The following SPOCK1 variants were observed in gnomAD, a reference collection of about 807,000 sequenced individuals.
The protein encoded by SPOCK1 is testican-1.
A neutral mutation model predicts 55.3 loss-of-function variants in SPOCK1; 23 were observed. The ratio of observed to expected loss-of-function variants is 0.42; its 90% CI spans 0.30 to 0.59. The LOEUF (loss-of-function observed/expected upper bound fraction) is 0.59. Ranked by LOEUF, SPOCK1 falls within the 20% of genes least tolerant of loss-of-function variation. The pLI is 0.22. For synonymous variants in SPOCK1, 226 were observed against 221.0 expected (o/e 1.02, Z -0.20); for missense variants, 499 against 552.5 (o/e 0.90, Z 0.97).
At chr5:137,470,520 G>T (rs995832450) in intron 2 of SPOCK1, among the ~76,000 whole-genome samples, 1 of 152,086 alleles carries the variant, frequency 6.6e-6, no homozygotes, top group South Asian at 2.1e-4. Flanking sequence ...ATCTGGAAAG[G>T]CTTCTGAAGG....
chr5:137,067,887 G>A (rs944895450), intron 5 of SPOCK1, 58 bp from the exon 6 acceptor site: 142 of 1,422,948 alleles, frequency 1.0e-4, no homozygotes, highest in Middle Eastern at 5.3e-4. Flanking sequence ...CCCCTACCCC[G>A]CCTCCTAAGA....
At chr5:137,322,348 A>ACAC (rs55986688) in intron 2 of SPOCK1, among the ~76,000 whole-genome samples, 18,058 of 144,944 alleles carry the variant, frequency 0.12, 1,421 homozygotes, top group East Asian at 0.24. Flanking sequence ...AAAAAAAAAA[A>ACAC]ACACACACAC....
chr5:137,313,010 T>A (rs910034554), intron 2 of SPOCK1, among the ~76,000 whole-genome samples: 2 of 152,072 alleles, frequency 1.3e-5, no homozygotes, highest in Admixed American at 1.3e-4. Context: ...ACCAGGAGTA[T>A]CCTGGGTTGC....
chr5:137,331,488 T>C (rs1169791272), intron 2 of SPOCK1, among the ~76,000 whole-genome samples: 1 of 152,142 alleles, frequency 6.6e-6, no homozygotes, highest in African/African-American at 2.4e-5. Context: ...TGAGGCTGGA[T>C]AATTTATGAA....
intron 3 of SPOCK1, among the ~76,000 whole-genome samples, chr5:137,206,792 G>A (rs1202720633): frequency 6.6e-6 from 1 of 152,198 alleles, no homozygotes; most frequent in Non-Finnish European, 1.5e-5. Flanking sequence ...AACATCTTAT[G>A]CGATGTATTT....
intron 3 of SPOCK1, among the ~76,000 whole-genome samples, chr5:137,224,492 G>A (rs1755912389): frequency 6.6e-6 from 1 of 152,150 alleles, no homozygotes; most frequent in Admixed American, 6.5e-5. Context: ...GAAAGGAAAC[G>A]GGTGTAAAAT....
At position 137,089,921 on chromosome 5, in the gene SPOCK1, C is replaced by A. The variant is rs186104925; in HGVS notation, c.475-22092G>T. Among the ~76,000 whole-genome samples the A allele has an allele frequency of 1.1e-3, 166 of 152,262 alleles. 1 individual carries two copies. The highest frequency in any genetic ancestry group is 6.2e-4 in the South Asian group (3 of 4,824). On this transcript the variant is annotated intron_variant, in intron 5 of 10. Transcript: ENST00000394945. Reference sequence around the variant, plus strand: ...GAAAAGGGCCTCTTCTGAAATACACCAGGAGATGAGCCAGGAAGGCCACAG... The same window carrying A: ...GAAAAGGGCCTCTTCTGAAATACACAAGGAGATGAGCCAGGAAGGCCACAG...
intron 2 of SPOCK1, among the ~76,000 whole-genome samples, chr5:137,383,515 C>A (rs1461031829): frequency 2.0e-5 from 3 of 152,170 alleles, no homozygotes; most frequent in Non-Finnish European, 2.9e-5. Context: ...TGCAGCCAGC[C>A]TGTGTGAAAG....
At chr5:137,084,066 G>T (rs1269609007) in intron 5 of SPOCK1, among the ~76,000 whole-genome samples, 1 of 152,120 alleles carries the variant, frequency 6.6e-6, no homozygotes, top group Non-Finnish European at 1.5e-5. Context: ...ACCAGGATTA[G>T]CCAGGATTAT....
intron 2 of SPOCK1, among the ~76,000 whole-genome samples, chr5:137,315,514 C>A (rs533116786): frequency 6.6e-6 from 1 of 152,322 alleles, no homozygotes; most frequent in South Asian, 2.1e-4. Context: ...AGCACTTTAC[C>A]TTCAATGCCT....
rs568550249 is a variant in SPOCK1 at position 137,149,350 on chromosome 5, T to C, written c.233-8656A>G. On this transcript the variant is annotated intron_variant, in intron 3 of 10. Coordinates refer to ENST00000394945, the MANE Select transcript of SPOCK1 (RefSeq NM_004598.4). ...AGAGAAGTCTTCACCTTCTCATCCA[T>C]CACAATGGCCAGAATTTATTAAAAT... Among the ~76,000 whole-genome samples the C allele has an allele frequency of 1.2e-4, 19 of 152,288 alleles. No individual in the cohort carries two copies. The South Asian group carries it at 3.3e-3, about 27-fold the overall frequency.
chr5:137,252,333 G>C (rs146204212), intron 3 of SPOCK1, among the ~76,000 whole-genome samples: 222 of 152,284 alleles, frequency 1.5e-3, no homozygotes, highest in African/African-American at 4.8e-3. Flanking sequence ...CAAACTCATA[G>C]AGGAGAGCAT....
At chr5:137,322,056 A>T (rs1757990083) in intron 2 of SPOCK1, among the ~76,000 whole-genome samples, 1 of 152,162 alleles carries the variant, frequency 6.6e-6, no homozygotes, top group African/African-American at 2.4e-5. Context: ...GCTAAAAAAC[A>T]CTGGTCAGCA....
At chr5:137,077,052 T>C (rs1048519993) in intron 5 of SPOCK1, among the ~76,000 whole-genome samples, 8 of 152,100 alleles carry the variant, frequency 5.3e-5, no homozygotes, top group Non-Finnish European at 7.4e-5. Flanking sequence ...CCCTCCTAAG[T>C]AGCTGGGACT....
At chr5:137,311,707 A>T (rs1455737083) in intron 2 of SPOCK1, among the ~76,000 whole-genome samples, 1 of 152,090 alleles carries the variant, frequency 6.6e-6, no homozygotes. Context: ...TAAAAATTTT[A>T]AAATAATCAC....
In SPOCK1 at chr5:137,322,650, C is replaced by CA. The variant is rs979367877; in HGVS notation, c.187-55596dup. 9.5e-5 allele frequency among the ~76,000 whole-genome samples: 14 copies of CA among 147,358 alleles called. No homozygotes were observed. In the South Asian group the frequency reaches 2.4e-3, roughly 25 times the overall value. ...CTGTAAAATAAGCCCCATGTAACCA[C>CA]AAAAAACCTACATAAGATACATAAA... On this transcript the variant is annotated intron_variant, in intron 2 of 10. Transcript: ENST00000394945.
At chr5:137,216,404 T>A (rs759401899) in intron 3 of SPOCK1, among the ~76,000 whole-genome samples, 1 of 152,358 alleles carries the variant, frequency 6.6e-6, no homozygotes, top group South Asian at 2.1e-4. Flanking sequence ...TATAGCAATG[T>A]TTCTTTCAAG....
intron 2 of SPOCK1, among the ~76,000 whole-genome samples, chr5:137,301,613 A>C (rs1230887542): frequency 2.1e-5 from 3 of 145,252 alleles, no homozygotes; most frequent in Non-Finnish European, 4.5e-5. Context: ...ACCAGCAAAC[A>C]TACTCATTAA....
chr5:137,135,121 C>T (rs1248673387), intron 4 of SPOCK1, among the ~76,000 whole-genome samples: 1 of 152,218 alleles, frequency 6.6e-6, no homozygotes, highest in African/African-American at 2.4e-5. Context: ...TCGAAGGGTA[C>T]ACTTAGATAT....
Sources: gnomAD v4.1 joint callset for allele counts (sites outside exome capture counted in the v4.1 genomes callset) on GRCh38, gnomAD v4.1.1 for gene constraint, MANE v1.5 for transcripts, NCBI Gene and HGNC (gene_info 2026-07-23, HGNC 2026-07-21) for gene names.